Variants in UACA observed in about 807,000 individuals in gnomAD.
UACA encodes the protein uveal autoantigen with coiled-coil domains and ankyrin repeats.
In UACA, 112 loss-of-function variants were observed where a neutral mutation model predicts 160.5. That is an observed-to-expected ratio of 0.70 (90% CI 0.60 to 0.82). UACA has a LOEUF of 0.82. Among genes scored for constraint, UACA ranks in the 40% least tolerant of loss-of-function variants. The probability of loss-of-function intolerance (pLI) is 0.00; values close to 1 mark genes in which losing one functional copy is unlikely to be tolerated. For missense variants in UACA, 1,574 were observed against 1,614.6 expected, an observed-to-expected ratio of 0.97 and a Z score of 0.43; for synonymous variants, 557 against 568.4, an observed-to-expected ratio of 0.98 and a Z score of 0.29.
intron 1 of UACA, among the ~76,000 whole-genome samples, chr15:70,761,459 C>G (rs545061682): frequency 6.6e-6 from 1 of 151,210 alleles, no homozygotes; most frequent in African/African-American, 2.4e-5. Context: ...GTGACCAAAT[C>G]TGGGATTATG....
At chr15:70,683,011 A>C (rs1897567222) in intron 8 of UACA, among the ~76,000 whole-genome samples, 1 of 152,170 alleles carries the variant, frequency 6.6e-6, no homozygotes. Flanking sequence ...TTATAACAAT[A>C]TTCAAGTAGG....
At chr15:70,669,560 G>C (rs1024328024) in intron 15 of UACA, 98 bp from the exon 16 acceptor site, 1 of 931,020 alleles carries the variant, frequency 1.1e-6, no homozygotes, top group Non-Finnish European at 1.5e-6. Context: ...ACATCATCAG[G>C]AATCAAAGGG....
chr15:70,711,060 C>T (rs1049506172), intron 1 of UACA, among the ~76,000 whole-genome samples: 4 of 152,184 alleles, frequency 2.6e-5, no homozygotes, highest in Non-Finnish European at 5.9e-5. Context: ...ATCTCATTAG[C>T]ATACAAAAGG....
At chr15:70,663,146 G>A (rs1367958691) in intron 17 of UACA, among the ~76,000 whole-genome samples, 14 of 152,276 alleles carry the variant, frequency 9.2e-5, no homozygotes, top group Non-Finnish European at 1.8e-4. Flanking sequence ...AATCTACAAT[G>A]AACTCAAACA....
Position 70,699,631 on chromosome 15 carries a change from G to A in UACA, c.108C>T (p.Asp36=), listed in dbSNP as rs1322713585. 1 of 1,607,552 alleles carries A rather than the reference G, an allele frequency of 6.2e-7. No individual in the cohort carries two copies. Among genetic ancestry groups the A allele is most frequent in the South Asian group, 1.1e-5 (1 of 90,702 alleles). ...AHAADWNKYD[D]RLMKAAERGD... is the part of the protein sequence containing the mutation. Reference sequence around the variant, plus strand: ...CCCTTTCTGCTGCTTTCATCAATCGGTCATCATATTTATTCCAATCTGCTG... The same window carrying A: ...CCCTTTCTGCTGCTTTCATCAATCGATCATCATATTTATTCCAATCTGCTG... Residue 36 remains aspartate (D), a synonymous_variant, in exon 2 of 19, where the codon GAC becomes GAT. Transcript: ENST00000322954.
At chr15:70,723,830 C>A (rs1472198674) in intron 1 of UACA, among the ~76,000 whole-genome samples, 1 of 152,006 alleles carries the variant, frequency 6.6e-6, no homozygotes, top group Admixed American at 6.6e-5. Flanking sequence ...GACGGGGTTT[C>A]ATCATGTTGG....
intron 1 of UACA, among the ~76,000 whole-genome samples, chr15:70,721,926 TTGCCCATTAGA>T (rs1430993861): frequency 1.3e-5 from 2 of 152,220 alleles, no homozygotes; most frequent in African/African-American, 4.8e-5. Flanking sequence ...TTTATACCAT[TTGCCCATTAGA>T]TGCAAAAGAA....
intron 13 of UACA, among the ~76,000 whole-genome samples, chr15:70,673,291 A>C (rs1238852086): frequency 1.3e-5 from 2 of 152,038 alleles, no homozygotes; most frequent in Non-Finnish European, 2.9e-5. Context: ...AAAACAAAAC[A>C]AAACAAAAAA....
chr15:70,667,281 G>A lies in UACA; in HGVS notation c.3403C>T (p.Leu1135=), dbSNP rs759546659. 1.9e-6 allele frequency: 3 copies of A among 1,612,152 alleles called. No individual in the cohort carries two copies. The highest frequency in any genetic ancestry group is 2.5e-6 in the Non-Finnish European group (3 of 1,179,616). The change falls in exon 16 of 19, where the codon CTG becomes TTG. Residue 1135 remains leucine, a synonymous_variant. Coordinates refer to ENST00000322954, the MANE Select transcript of UACA (RefSeq NM_018003.4). ...NGTIENLKEE[L]KSMQRCYEKE... ...TCGTAACACCTTTGCATACTCTTCA[G>A]TTCTTCCTTTAGATTTTCAATTGTG...
At chr15:70,775,524 G>A in the UACA span, among the ~76,000 whole-genome samples, 5 of 149,266 alleles carry the variant, frequency 3.3e-5, no homozygotes, top group East Asian at 1.9e-4. Context: ...AAGGAACACC[G>A]GGCATGAATT....
At chr15:70,746,915 T>G (rs1455362170) in intron 1 of UACA, among the ~76,000 whole-genome samples, 1 of 151,988 alleles carries the variant, frequency 6.6e-6, no homozygotes, top group East Asian at 1.9e-4. Context: ...TTCTCACTCA[T>G]AAGTAGGAGT....
chr15:70,659,668 A>C (rs896315869), intron 18 of UACA, among the ~76,000 whole-genome samples: 1 of 151,888 alleles, frequency 6.6e-6, no homozygotes, highest in African/African-American at 2.4e-5. Flanking sequence ...GGGAATTCAT[A>C]CTGTTATTCC....
chr15:70,777,795 G>A, the UACA span, among the ~76,000 whole-genome samples: 3 of 152,172 alleles, frequency 2.0e-5, no homozygotes, highest in African/African-American at 7.2e-5. Flanking sequence ...ACATTAATAA[G>A]CAACTTCTTC....
intron 1 of UACA, among the ~76,000 whole-genome samples, chr15:70,747,729 A>G (rs1393952970): frequency 2.0e-5 from 3 of 152,110 alleles, no homozygotes; most frequent in Non-Finnish European, 4.4e-5. Context: ...TGAAACCAAA[A>G]TTTTCTGACA....
At chr15:70,688,366 G>A (rs1380970179) in intron 5 of UACA, among the ~76,000 whole-genome samples, 1 of 151,916 alleles carries the variant, frequency 6.6e-6, no homozygotes, top group Non-Finnish European at 1.5e-5. Context: ...ATTTATATTA[G>A]GAAAAATTAT....
intron 1 of UACA, among the ~76,000 whole-genome samples, chr15:70,707,872 G>C (rs542303948): frequency 6.6e-6 from 1 of 152,118 alleles, no homozygotes; most frequent in East Asian, 1.9e-4. Context: ...GTGATTCCTC[G>C]AAAAATTATA....
chr15:70,751,903 CAA>C (rs1197050134), intron 1 of UACA, among the ~76,000 whole-genome samples: 2 of 151,702 alleles, frequency 1.3e-5, no homozygotes, highest in Non-Finnish European at 2.9e-5. Context: ...TAAAAAAAAA[CAA>C]AGAGAAGAAT....
At chr15:70,666,273 C>A (rs1017948794) in intron 16 of UACA, among the ~76,000 whole-genome samples, 4 of 152,160 alleles carry the variant, frequency 2.6e-5, no homozygotes, top group African/African-American at 9.7e-5. Flanking sequence ...ACTTTCTAGT[C>A]TGTAGAAAGA....
In UACA at chr15:70,687,827, G is replaced by C. The variant is rs1437920830; in HGVS notation, c.425-7C>G. 6.2e-7 allele frequency: 1 copy of C among 1,613,246 alleles called. No individual in the cohort carries two copies. The highest frequency in any genetic ancestry group is 1.3e-5 in the African/African-American group (1 of 74,966). On this transcript the variant is annotated splice_polypyrimidine_tract_variant and splice_region_variant and intron_variant, in intron 5 of 18. Transcript: ENST00000322954. ...GAAGGACAATCTGCCATTGCTTTAA[G>C]GAACAAAAGAAAATGATAAATGGTG...
Sources: gnomAD v4.1 joint callset for allele counts (sites outside exome capture counted in the v4.1 genomes callset) on GRCh38, gnomAD v4.1.1 for gene constraint, MANE v1.5 for transcripts, NCBI Gene and HGNC (gene_info 2026-07-23, HGNC 2026-07-21) for gene names.